RANBP2: variants seen among roughly 807,000 people sequenced by gnomAD.
RANBP2 encodes RAN binding protein 2, also known as E3 SUMO-protein ligase RanBP2.
In RANBP2, 57 loss-of-function variants were observed where a neutral mutation model predicts 303.6. The ratio of observed to expected loss-of-function variants is 0.19; its 90% confidence interval spans 0.15 to 0.23. The LOEUF (loss-of-function observed/expected upper bound fraction) is 0.23. Ranked by LOEUF, RANBP2 falls within the 10% of genes least tolerant of loss-of-function variation. The pLI, the probability that RANBP2 is intolerant of heterozygous loss-of-function variation, is 1.00. For missense variants in RANBP2, 3,138 were observed against 3,780.8 expected (o/e 0.83, Z 4.46); for synonymous variants, 1,167 against 1,301.5 (o/e 0.90, Z 2.23).
the RANBP2 span, chr2:109,419,418 C>T: frequency 2.0e-5 from 21 of 1,051,512 alleles, no homozygotes; most frequent in Non-Finnish European, 2.9e-5. Flanking sequence ...ACGTTGGAGG[C>T]CAAACAGCCA....
the RANBP2 span, among the ~76,000 whole-genome samples, chr2:109,139,142 A>C: frequency 2.6e-5 from 4 of 151,958 alleles, no homozygotes; most frequent in Admixed American, 2.0e-4. Flanking sequence ...CTTTATAATC[A>C]TATCCCAAAT....
chr2:108,894,781 A>G, the RANBP2 span: 1 of 152,228 alleles, frequency 6.6e-6, no homozygotes, highest in Admixed American at 6.5e-5. Context: ...ATTTGTAACT[A>G]TATAAGGAAT....
chr2:109,160,206 G>A, the RANBP2 span, among the ~76,000 whole-genome samples: 1 of 152,204 alleles, frequency 6.6e-6, no homozygotes, highest in Admixed American at 6.5e-5. Flanking sequence ...TGAGGGTCTT[G>A]TGGGATGAAC....
the RANBP2 span, among the ~76,000 whole-genome samples, chr2:108,924,866 C>T: frequency 6.6e-6 from 1 of 152,238 alleles, no homozygotes; most frequent in African/African-American, 2.4e-5. Context: ...AGGTGTCTGC[C>T]ACGTGGCCTT....
the RANBP2 span, among the ~76,000 whole-genome samples, chr2:109,693,716 G>A: frequency 1.3e-5 from 2 of 152,332 alleles, no homozygotes; most frequent in South Asian, 4.1e-4. Context: ...TGTCAGGTAT[G>A]TCTTTATCGG....
At chr2:109,212,962 T>TG in the RANBP2 span, among the ~76,000 whole-genome samples, 1 of 152,198 alleles carries the variant, frequency 6.6e-6, no homozygotes, top group East Asian at 1.9e-4. Context: ...AAAAGACAGA[T>TG]GCTGCCCACA....
At chr2:109,419,705 A>G in the RANBP2 span, 1,685 of 1,474,930 alleles carry the variant, frequency 1.1e-3, 24 homozygotes, top group African/African-American at 0.02. Context: ...GCCTGGGCTG[A>G]CCTGTCCACG....
At chr2:109,430,697 C>T in the RANBP2 span, among the ~76,000 whole-genome samples, 20 of 152,244 alleles carry the variant, frequency 1.3e-4, no homozygotes, top group African/African-American at 4.8e-4. Flanking sequence ...GGAACAGAAT[C>T]ACACCCTGGT....
At chr2:108,816,176 C>A in the RANBP2 span, 1 of 1,094,844 alleles carries the variant, frequency 9.1e-7, no homozygotes, top group Non-Finnish European at 1.3e-6. Context: ...CAGGGCCAGG[C>A]ACAGTGGCTC....
the RANBP2 span, among the ~76,000 whole-genome samples, chr2:109,260,152 T>C: frequency 1.3e-5 from 2 of 152,194 alleles, no homozygotes; most frequent in African/African-American, 2.4e-5. Flanking sequence ...AGGGAATAAA[T>C]GCATTCCCGA....
chr2:109,336,243 G>A, the RANBP2 span, among the ~76,000 whole-genome samples: 38 of 152,346 alleles, frequency 2.5e-4, no homozygotes, highest in African/African-American at 9.1e-4. Flanking sequence ...GGGAAGAGGT[G>A]TCATGCTGGG....
the RANBP2 span, among the ~76,000 whole-genome samples, chr2:109,647,904 C>T: frequency 6.6e-6 from 1 of 152,232 alleles, no homozygotes. Context: ...CACAAATGCC[C>T]GTTAGCTGCC....
At chr2:109,470,928 C>CCT in the RANBP2 span, among the ~76,000 whole-genome samples, 6 of 152,102 alleles carry the variant, frequency 3.9e-5, no homozygotes, top group African/African-American at 1.4e-4. Flanking sequence ...TAAAGAAATA[C>CCT]CAGAGACTAG....
At chr2:109,285,654 C>CT in the RANBP2 span, among the ~76,000 whole-genome samples, 9 of 152,340 alleles carry the variant, frequency 5.9e-5, no homozygotes, top group Middle Eastern at 0.027. Context: ...TCAGTCCTCT[C>CT]TGAGTGTCCT....
the RANBP2 span, among the ~76,000 whole-genome samples, chr2:109,031,014 C>A: frequency 6.6e-6 from 1 of 152,124 alleles, no homozygotes. Flanking sequence ...TCATCTGCAC[C>A]TTTTGTCTCA....
chr2:109,142,839 C>T, the RANBP2 span, among the ~76,000 whole-genome samples: 1 of 152,032 alleles, frequency 6.6e-6, no homozygotes, highest in Non-Finnish European at 1.5e-5. Context: ...CATTGTGGGA[C>T]GTTTTCACTC....
At chr2:108,811,100 C>CTT in the RANBP2 span, among the ~76,000 whole-genome samples, 3 of 149,546 alleles carry the variant, frequency 2.0e-5, no homozygotes, top group African/African-American at 4.9e-5. Flanking sequence ...TTTTTCTTTT[C>CTT]TTTTTTTTTT....
intron 1 of RANBP2, among the ~76,000 whole-genome samples, chr2:108,723,107 C>T (rs561355806): frequency 3.9e-5 from 6 of 152,046 alleles, no homozygotes; most frequent in East Asian, 1.9e-4. Flanking sequence ...AATTTTTGGG[C>T]GTAAATGATC....
At chr2:109,239,251 G>A in the RANBP2 span, among the ~76,000 whole-genome samples, 1 of 152,182 alleles carries the variant, frequency 6.6e-6, no homozygotes, top group South Asian at 2.1e-4. Context: ...CAGCTCACCT[G>A]GGTTTCTCAC....
Sources: allele counts gnomAD v4.1 joint callset (sites outside exome capture counted in the v4.1 genomes callset), GRCh38; gene constraint gnomAD v4.1.1; transcripts MANE v1.5; gene names NCBI Gene and HGNC (gene_info 2026-07-23, HGNC 2026-07-21).